The following TACC3 variants were observed in gnomAD, a reference collection of about 807,000 sequenced individuals.
TACC3 encodes transforming acidic coiled-coil-containing protein 3.
Under a neutral mutation model 86.0 loss-of-function variants are expected in TACC3, and 52 were observed. The ratio of observed to expected loss-of-function variants is 0.60; its 90% CI spans 0.48 to 0.76. TACC3 has a LOEUF of 0.76. Among genes scored for constraint, TACC3 ranks in the 30% least tolerant of loss-of-function variants. The pLI is 0.00. For synonymous variants in TACC3, 512 were observed against 430.0 expected (o/e 1.19, Z -2.36); for missense variants, 1,120 against 1,070.4 (o/e 1.05, Z -0.65).
intron 13 of TACC3, among the ~76,000 whole-genome samples, chr4:1,743,423 C>T (rs56037412): frequency 0.19 from 27,903 of 147,446 alleles, 3,263 homozygotes; most frequent in Non-Finnish European, 0.26. Flanking sequence ...CATGGTGGCA[C>T]GCACCTGTAG....
chr4:1,743,927 G>A (rs1186289227), intron 13 of TACC3, among the ~76,000 whole-genome samples: 6 of 152,332 alleles, frequency 3.9e-5, no homozygotes, highest in South Asian at 2.1e-4. Flanking sequence ...ACAGGGCTGC[G>A]ACAGAGGAGT....
Position 1,744,754 on chromosome 4 carries a change from G to T in TACC3, c.2373G>T (p.Ala791=), listed in dbSNP as rs565079218. The T allele has an allele frequency of 5.6e-6, 9 of 1,612,722 alleles. 1 individual carries two copies. In the African/African-American group the frequency reaches 1.2e-4, roughly 21 times the overall value. ...CCCAGGTCCGGAGCAAGGCCCAGGC[G>T]GAAGCGTTGGCCCTCCAGGCCAGCC... is the stretch of plus-strand genomic sequence containing the variant. ...EIAQVRSKAQ[A]EALALQASLR... Residue 791 remains alanine (A), a synonymous_variant, in exon 15 of 16, where the codon GCG becomes GCT. Transcript: ENST00000313288.
intron 11 of TACC3, 25 bp downstream of exon 11, chr4:1,739,803 TC>T: frequency 6.4e-7 from 1 of 1,569,652 alleles, no homozygotes; most frequent in African/African-American, 1.4e-5. Context: ...TCTCCTGTCC[TC>T]CCCGTCCCCA....
At chr4:1,744,258 T>TG (rs1718733879) in intron 13 of TACC3, among the ~76,000 whole-genome samples, 1 of 152,178 alleles carries the variant, frequency 6.6e-6, no homozygotes, top group African/African-American at 2.4e-5. Context: ...GCTGCAGGTG[T>TG]GGCAGGAGGG....
intron 9 of TACC3, 45 bp from the exon 10 acceptor site, chr4:1,737,553 A>G: frequency 7.0e-7 from 1 of 1,424,484 alleles, no homozygotes; most frequent in Non-Finnish European, 9.4e-7. Context: ...CAGAGGTAAG[A>G]GGCAAGGGCG....
At position 1,730,854 on chromosome 4, in the gene TACC3, G is replaced by T. The variant is rs369343229; in HGVS notation, c.1386-33G>T. The T allele has an allele frequency of 5.1e-4, 811 of 1,603,438 alleles. 3 individuals are homozygous for T. In the African/African-American group the frequency reaches 8.5e-3, roughly 17 times the overall value. ...GGGGACGCCGGGGTTATGGGGTGGG[G>T]GGCATGGGCCTCTGCTGACTCTGTC... On this transcript the variant is annotated intron_variant, in intron 4 of 15. Transcript: ENST00000313288.
chr4:1,730,949 C>T lies in TACC3; in HGVS notation c.1448C>T (p.Thr483Ile). ...GTGCAGTTGGCAGCCGAGACCCCAACAGCAGAGAGCAAGGTAAGGGGTGCT... is the reference window on the plus strand; with the variant it reads ...GTGCAGTTGGCAGCCGAGACCCCAATAGCAGAGAGCAAGGTAAGGGGTGCT... The part of the protein sequence containing the change: ...PVVQLAAETP[T>I]AESKERALNS... The change falls in exon 5 of 16, where the codon ACA becomes ATA. Residue 483 changes from threonine to isoleucine, a missense_variant. Thr to Ile is a moderately conservative substitution (Grantham distance 89). Transcript: ENST00000313288. 1.2e-6 allele frequency: 2 copies of T among 1,613,470 alleles called. No homozygotes were observed. Among genetic ancestry groups the T allele is most frequent in the Non-Finnish European group, 1.7e-6 (2 of 1,180,026 alleles).
intron 13 of TACC3, chr4:1,741,839 G>A (rs1239622785): frequency 6.6e-6 from 1 of 152,246 alleles, no homozygotes. Context: ...TAGGGAAGAA[G>A]GTATCTTATG....
intron 4 of TACC3, 70 bp downstream of exon 4, chr4:1,728,857 C>T (rs1057496891): frequency 4.8e-6 from 7 of 1,450,694 alleles, no homozygotes; most frequent in East Asian, 4.6e-5. Flanking sequence ...GTCCAGGACC[C>T]GAGGCCAGAA....
At chr4:1,734,291 G>A (rs760691954) in intron 6 of TACC3, among the ~76,000 whole-genome samples, 36 of 152,096 alleles carry the variant, frequency 2.4e-4, no homozygotes, top group Non-Finnish European at 4.3e-4. Context: ...GGGTTCAAGC[G>A]ATTCTCCTGC....
Position 1,735,941 on chromosome 4 carries a change from G to A in TACC3, c.1748+107G>A. The A allele has an allele frequency of 1.2e-6, 1 of 801,146 alleles. No homozygotes were observed. The highest frequency in any genetic ancestry group is 2.0e-6 in the Non-Finnish European group (1 of 507,726). The allele number at this position is 801,146 out of a possible 1,614,324, so 49.6% of individuals were successfully genotyped here. A position where few individuals can be genotyped will look rare whatever the true frequency, so the allele number is the denominator to read the frequency against. ...AGAGGCTTCTAGACCGGGGGGAGAT[G>A]ATCAGAACTGGAAAGGAGCTGTGCT... On this transcript the variant is annotated intron_variant, in intron 8 of 15. Transcript: ENST00000313288. This position sits in a 1 kb window ranked among gnomAD's most constrained non-coding sequence, Gnocchi z 4.2.
At chr4:1,732,899 T>C (rs535642517) in intron 6 of TACC3, among the ~76,000 whole-genome samples, 1 of 152,232 alleles carries the variant, frequency 6.6e-6, no homozygotes, top group Non-Finnish European at 1.5e-5. Flanking sequence ...CTGCCTCGAA[T>C]GTTCAGGTGT....
At chr4:1,720,720 A>C (rs766011505), upstream of TACC3, 2 of 1,562,388 alleles carry the variant, frequency 1.3e-6, no homozygotes, top group Non-Finnish European at 1.7e-6. This position sits in a 1 kb window ranked among gnomAD's most constrained non-coding sequence, Gnocchi z 4.4. Context: ...CTGCCCAGCC[A>C]GCCCGACAGC....
chr4:1,723,255 T>G, intron 1 of TACC3, 166 bp from the exon 2 acceptor site: 1 of 692,250 alleles, frequency 1.4e-6, no homozygotes, highest in Non-Finnish European at 2.4e-6. Context: ...GGACTCAGTC[T>G]GAGGCTTTCT....
At chr4:1,727,583 G>A (rs538491545) in intron 3 of TACC3, 125 bp from the exon 4 acceptor site, 12 of 1,462,108 alleles carry the variant, frequency 8.2e-6, no homozygotes, top group South Asian at 4.2e-5. Flanking sequence ...ACGGGAAGCC[G>A]TGCCAAGGGT....
chr4:1,744,622 G>C lies in TACC3; in HGVS notation c.2328G>C (p.Gln776His). 2 of 1,612,982 alleles carry C rather than the reference G, an allele frequency of 1.2e-6. No individual in the cohort carries two copies. The highest frequency in any genetic ancestry group is 1.7e-6 in the Non-Finnish European group (2 of 1,179,940). Reference sequence around the variant, plus strand: ...AGGCCCACGCGGAGGAGAAGCTGCAGCTGTGAGTGCTGGGCGAGGCCCCAC... The same window carrying C: ...AGGCCCACGCGGAGGAGAAGCTGCACCTGTGAGTGCTGGGCGAGGCCCCAC... Reference protein sequence around the residue: ...ALKAHAEEKLQLANEEIAQVR... With the variant: ...ALKAHAEEKLHLANEEIAQVR... The change falls in exon 14 of 16, where the codon CAG (glutamine) becomes CAC (histidine). Residue 776 changes from glutamine to histidine, a missense_variant and splice_region_variant. Physicochemically the swap from Gln to His is conservative, Grantham distance 24. Coordinates refer to ENST00000313288, the MANE Select transcript of TACC3 (RefSeq NM_006342.3).
At chr4:1,740,127 C>T in intron 12 of TACC3, 125 bp downstream of exon 12, 1 of 930,746 alleles carries the variant, frequency 1.1e-6, no homozygotes, top group South Asian at 1.5e-5. Flanking sequence ...ACACACGAGT[C>T]CCTTCAACAT....
At position 1,728,463 on chromosome 4, in the gene TACC3, C is replaced by A; in HGVS notation, c.1061C>A (p.Pro354Gln). The A allele has an allele frequency of 6.2e-7, 1 of 1,613,870 alleles. No individual in the cohort carries two copies. The highest frequency in any genetic ancestry group is 8.5e-7 in the Non-Finnish European group (1 of 1,180,002). ...DGATSKRAPP[P>Q]RRLGERSGLK... ...GCCACCAGCAAAAGGGCACCCCCACCAAGGAGACTGGGAGAGAGGTCCGGC... is the reference window on the plus strand; with the variant it reads ...GCCACCAGCAAAAGGGCACCCCCACAAAGGAGACTGGGAGAGAGGTCCGGC... Residue 354 changes from proline to glutamine, a missense_variant, in exon 4 of 16, where the codon CCA becomes CAA. Pro to Gln is a moderately conservative substitution (Grantham distance 76, BLOSUM62 -1). Coordinates refer to ENST00000313288, the MANE Select transcript of TACC3 (RefSeq NM_006342.3).
At chr4:1,730,358 A>G in intron 4 of TACC3, 1 of 226,758 alleles carries the variant, frequency 4.4e-6, no homozygotes, top group South Asian at 5.3e-5. Flanking sequence ...ATTATTGTAG[A>G]ACAAAGATTA....
Sources: gnomAD v4.1 joint callset for allele counts (sites outside exome capture counted in the v4.1 genomes callset) on GRCh38, gnomAD v4.1.1 for gene constraint, Gnocchi (gnomAD v3.1) non-coding constraint, MANE v1.5 for transcripts, NCBI Gene and HGNC (gene_info 2026-07-23, HGNC 2026-07-21) for gene names.